HYDIN: variants seen among roughly 807,000 people sequenced by gnomAD.
HYDIN encodes the protein axonemal central pair apparatus protein HYDIN.
HYDIN carries 132 observed loss-of-function variants against 403.9 expected under a neutral mutation model. The ratio of observed to expected loss-of-function variants is 0.33; its 90% CI spans 0.28 to 0.38. The LOEUF (loss-of-function observed/expected upper bound fraction) is 0.38, where lower values mean the gene tolerates loss of function less well. Ranked by LOEUF, HYDIN falls within the 10% of genes least tolerant of loss-of-function variation. HYDIN has a pLI of 1.00. For synonymous variants in HYDIN, 1,202 were observed against 1,891.7 expected (o/e 0.64, Z 9.46); for missense variants, 2,827 against 5,009.5 (o/e 0.56, Z 13.15).
intron 22 of HYDIN, among the ~76,000 whole-genome samples, chr16:71,018,669 T>G (rs1261089176): frequency 6.6e-6 from 1 of 151,430 alleles, no homozygotes; most frequent in Non-Finnish European, 1.5e-5. Flanking sequence ...TAGACACTTA[T>G]GTATATGGAT....
chr16:70,840,028 T>A (rs1372247359), intron 76 of HYDIN, 36 bp downstream of exon 76: 1 of 605,478 alleles, frequency 1.7e-6, no homozygotes, highest in African/African-American at 2.0e-5. Flanking sequence ...CACAAGCAGC[T>A]AGAGAATCAT....
At chr16:71,032,273 T>G (rs1361574359) in intron 18 of HYDIN, among the ~76,000 whole-genome samples, 1 of 150,826 alleles carries the variant, frequency 6.6e-6, no homozygotes, top group African/African-American at 2.4e-5. Context: ...AGTTTGAAAT[T>G]TTTATTTTTT....
chr16:71,230,303 T>C (rs2041223015), intron 1 of HYDIN, among the ~76,000 whole-genome samples: 1 of 152,196 alleles, frequency 6.6e-6, no homozygotes, highest in African/African-American at 2.4e-5. Context: ...AATTCCAAGT[T>C]GGAAGCGAGG....
At chr16:70,936,146 CA>C (rs745459065) in intron 44 of HYDIN, 32 bp from the exon 45 acceptor site, 12 of 1,118,376 alleles carry the variant, frequency 1.1e-5, no homozygotes, top group Non-Finnish European at 1.4e-6. Context: ...AAAAACAGTT[CA>C]GGGGCCCCCA....
At chr16:70,937,413 T>A (rs1414641022) in intron 44 of HYDIN, among the ~76,000 whole-genome samples, 1 of 151,056 alleles carries the variant, frequency 6.6e-6, no homozygotes, top group Non-Finnish European at 1.5e-5. Context: ...ACTGGGAGGC[T>A]GAGGCAGGCA....
intron 1 of HYDIN, among the ~76,000 whole-genome samples, chr16:71,194,968 G>A (rs2087617609): frequency 6.6e-6 from 1 of 152,220 alleles, no homozygotes; most frequent in Admixed American, 6.5e-5. Context: ...GACGATGGGA[G>A]AAGCTACAGT....
intron 10 of HYDIN, among the ~76,000 whole-genome samples, chr16:71,108,354 C>G (rs1230552454): frequency 6.6e-6 from 1 of 151,940 alleles, no homozygotes; most frequent in East Asian, 1.9e-4. Context: ...ACAAAAAAAG[C>G]AAGGATATGA....
intron 1 of HYDIN, among the ~76,000 whole-genome samples, chr16:71,197,419 G>C (rs2087753392): frequency 6.6e-6 from 1 of 152,114 alleles, no homozygotes; most frequent in Non-Finnish European, 1.5e-5. Context: ...CAACATTCAG[G>C]CTTGGTTCAC....
intron 60 of HYDIN, among the ~76,000 whole-genome samples, chr16:70,880,582 G>A (rs2040735072): frequency 6.6e-6 from 1 of 152,182 alleles, no homozygotes; most frequent in Non-Finnish European, 1.5e-5. Flanking sequence ...CTGTGCCTGA[G>A]GTGTCTGATT....
intron 6 of HYDIN, among the ~76,000 whole-genome samples, chr16:71,153,981 GT>G (rs2085650495): frequency 1.3e-5 from 2 of 148,326 alleles, no homozygotes; most frequent in South Asian, 4.4e-4. Context: ...TCAAAGTAAT[GT>G]GTTGTGTAAT....
chr16:71,111,664 A>G (rs1039891830), intron 10 of HYDIN, among the ~76,000 whole-genome samples: 4 of 152,102 alleles, frequency 2.6e-5, no homozygotes, highest in African/African-American at 9.7e-5. Context: ...GTGGCTGCGG[A>G]GAGCTACAGC....
chr16:71,066,099 T>A (rs936914585), intron 15 of HYDIN, among the ~76,000 whole-genome samples: 3 of 152,044 alleles, frequency 2.0e-5, no homozygotes, highest in African/African-American at 4.8e-5. Context: ...AGAAAACTCA[T>A]AGCCTCTTTA....
chr16:70,938,635 G>A lies in HYDIN; in HGVS notation c.6974C>T (p.Ala2325Val), dbSNP rs542961391. Residue 2325 changes from alanine (A) to valine (V), a missense_variant, in exon 44 of 86, where the codon GCG becomes GTG. Transcript: ENST00000393567. ...TGACCTCTTCTTCCGCTCGCGGAGC[G>A]CCTGCTGAATCCCCCGATCGAATGT... ...KLTFDRGIQQ[A>V]LRERKKREQE... 3.6e-5 allele frequency: 57 copies of A among 1,600,186 alleles called. No individual in the cohort carries two copies. The highest frequency in any genetic ancestry group is 3.3e-4 in the Middle Eastern group (2 of 6,042).
chr16:71,026,911 A>G lies in HYDIN; in HGVS notation c.3042+691T>C, dbSNP rs532522793. On this transcript the variant is annotated intron_variant, in intron 20 of 85. Coordinates refer to ENST00000393567, the MANE Select transcript of HYDIN (RefSeq NM_001270974.2). ...ACAAGCAGGATCTTAAGCAAGCATC[A>G]TTTCTCATCTACAAGGTCTGCATTT... Among the ~76,000 whole-genome samples, 420 of 152,152 alleles carry G rather than the reference A, an allele frequency of 2.8e-3. 3 individuals carry two copies. Among genetic ancestry groups the G allele is most frequent in the African/African-American group, 9.6e-3 (399 of 41,502 alleles).
At chr16:71,166,868 A>ATCCT (rs1314538232) in intron 5 of HYDIN, among the ~76,000 whole-genome samples, 1 of 150,738 alleles carries the variant, frequency 6.6e-6, no homozygotes, top group Non-Finnish European at 1.5e-5. Context: ...TCAGGCCAGG[A>ATCCT]GTTCAAGACC....
At chr16:70,811,860 GA>G (rs901044569) in intron 84 of HYDIN, among the ~76,000 whole-genome samples, 67 of 115,062 alleles carry the variant, frequency 5.8e-4, no homozygotes, top group Admixed American at 1.3e-3. Context: ...TCCATCTTGG[GA>G]AAAAAAAAAA....
intron 18 of HYDIN, among the ~76,000 whole-genome samples, chr16:71,055,702 G>A (rs978418647): frequency 4.7e-4 from 72 of 152,052 alleles, no homozygotes; most frequent in African/African-American, 1.7e-3. Context: ...GGAATTCTAA[G>A]TATCTCATTA....
chr16:71,133,351 A>G (rs1253279931), intron 8 of HYDIN: 7 of 445,314 alleles, frequency 1.6e-5, no homozygotes, highest in African/African-American at 1.4e-4. Context: ...TTACAAATGA[A>G]GAACTAGAGA....
chr16:71,046,853 G>A (rs1345261227), intron 18 of HYDIN, among the ~76,000 whole-genome samples: 1 of 152,124 alleles, frequency 6.6e-6, no homozygotes, highest in Non-Finnish European at 1.5e-5. Context: ...TACTATCAGT[G>A]CACAAAACAG....
Sources: gnomAD v4.1 joint callset for allele counts (sites outside exome capture counted in the v4.1 genomes callset) on GRCh38, gnomAD v4.1.1 for gene constraint, MANE v1.5 for transcripts, NCBI Gene and HGNC (gene_info 2026-07-23, HGNC 2026-07-21) for gene names.